The following CLHC1 variants were observed in gnomAD, a reference collection of about 807,000 sequenced individuals.
CLHC1 encodes clathrin heavy chain linker domain-containing protein 1.
A neutral mutation model predicts 69.5 loss-of-function variants in CLHC1; 72 were observed. That is an observed-to-expected ratio of 1.04 (90% confidence interval 0.86 to 1.26). The LOEUF (loss-of-function observed/expected upper bound fraction) is 1.26. Ranked by LOEUF, CLHC1 falls within the 50% of genes most tolerant of loss-of-function variation. CLHC1 has a pLI of 0.00. For synonymous variants in CLHC1, 223 were observed against 224.3 expected (o/e 0.99, Z 0.05); for missense variants, 790 against 679.3 (o/e 1.16, Z -1.81).
At position 55,206,348 on chromosome 2, in the gene CLHC1, A is replaced by G. The variant is rs2103912170; in HGVS notation, c.928T>C (p.Tyr310His). The change falls in exon 9 of 13, where the codon TAT becomes CAT. Residue 310 changes from tyrosine (Y) to histidine (H), a missense_variant. Tyr to His is a moderately conservative substitution (Grantham distance 83, BLOSUM62 2). Coordinates refer to ENST00000401408, the MANE Select transcript of CLHC1 (RefSeq NM_152385.4). ...RFNELISLGE[Y>H]EKAACYAANS... ...GCTGCATAACAAGCTGCCTTTTCAT[A>G]TTCACCAAGTGAGATTAACTCATTA... 6.2e-7 allele frequency: 1 copy of G among 1,608,114 alleles called. No homozygotes were observed. The highest frequency in any genetic ancestry group is 8.5e-7 in the Non-Finnish European group (1 of 1,175,162).
At position 55,172,739 on chromosome 2, in the gene CLHC1, T is replaced by G. The variant is rs1669063333; in HGVS notation, c.*3051A>C. 6.6e-6 allele frequency among the ~76,000 whole-genome samples: 1 copy of G among 150,906 alleles called. No individual in the cohort carries two copies. Among genetic ancestry groups the G allele is most frequent in the Non-Finnish European group, 1.5e-5 (1 of 67,802 alleles). On this transcript the variant is annotated 3_prime_UTR_variant, in exon 13 of 13. Transcript: ENST00000401408. ...AAAGGCCTCTGCTATGATTTTTGAC[T>G]TAACATATGCTTTAGCAATCCAACA...
chr2:55,177,512 G>T, intron 12 of CLHC1, 90 bp downstream of exon 12: 2 of 836,496 alleles, frequency 2.4e-6, no homozygotes, highest in Non-Finnish European at 1.8e-6. Context: ...GAACTCTTAG[G>T]GAAATTTGAG....
chr2:55,215,192 C>A (rs1673379693), intron 4 of CLHC1: 1 of 152,146 alleles, frequency 6.6e-6, no homozygotes, highest in African/African-American at 2.4e-5. Flanking sequence ...TTGAGATGGA[C>A]CTTCCTACTG....
chr2:55,209,669 C>G lies in CLHC1; in HGVS notation c.662G>C (p.Arg221Pro). 6.2e-7 allele frequency: 1 copy of G among 1,614,070 alleles called. No homozygotes were observed. Among genetic ancestry groups the G allele is most frequent in the Non-Finnish European group, 8.5e-7 (1 of 1,180,000 alleles). Reference protein sequence around the residue: ...DEEMIVLLKRRDVAENLNKKL... With the variant: ...DEEMIVLLKRPDVAENLNKKL... ...TTTGTTCAGATTTTCAGCTACATCT[C>G]GCCGTTTTAATAACACAATCATTTC... The change falls in exon 6 of 13, where the codon CGA becomes CCA. Residue 221 changes from arginine (R) to proline (P), a missense_variant. Arg to Pro is a moderately radical substitution (Grantham distance 103). Coordinates refer to ENST00000401408, the MANE Select transcript of CLHC1 (RefSeq NM_152385.4).
chr2:55,229,097 G>A (rs1455394832), intron 1 of CLHC1, among the ~76,000 whole-genome samples: 1 of 137,562 alleles, frequency 7.3e-6, no homozygotes, highest in Admixed American at 8.2e-5. Context: ...GTTGCAGTGG[G>A]CTAAGATCAT....
intron 9 of CLHC1, 40 bp from the exon 10 acceptor site, chr2:55,181,784 GAAAT>G: frequency 6.5e-7 from 1 of 1,528,044 alleles, no homozygotes; most frequent in East Asian, 2.3e-5. Context: ...AATACTTTAA[GAAAT>G]AGTTTGCTTT....
At chr2:55,185,890 C>A (rs1670370629) in intron 9 of CLHC1, among the ~76,000 whole-genome samples, 1 of 152,138 alleles carries the variant, frequency 6.6e-6, no homozygotes, top group Admixed American at 6.5e-5. Flanking sequence ...CCAATGATAT[C>A]TTTGAGCTTT....
intron 11 of CLHC1, among the ~76,000 whole-genome samples, chr2:55,180,165 A>AT (rs1300524123): frequency 5.3e-5 from 8 of 151,794 alleles, no homozygotes; most frequent in African/African-American, 1.7e-4. Context: ...AAAAAAATAT[A>AT]TATATATATA....
Position 55,208,619 on chromosome 2 carries a change from T to G in CLHC1, c.899+7A>C. On this transcript the variant is annotated splice_region_variant and intron_variant, in intron 8 of 12. Coordinates refer to ENST00000401408, the MANE Select transcript of CLHC1 (RefSeq NM_152385.4). The stretch of plus-strand genomic sequence containing the variant: ...TTCTGAAAAATTAAAGCTTTTAAAA[T>G]ATTTGCCTTTCAATGTAGTGAAGCA... The G allele has an allele frequency of 6.4e-7, 1 of 1,560,422 alleles. No individual in the cohort carries two copies. The highest frequency in any genetic ancestry group is 8.8e-7 in the Non-Finnish European group (1 of 1,133,428).
intron 5 of CLHC1, among the ~76,000 whole-genome samples, chr2:55,211,969 T>A (rs1388126437): frequency 6.6e-6 from 1 of 152,202 alleles, no homozygotes; most frequent in Non-Finnish European, 1.5e-5. Context: ...TCTCAAACTT[T>A]AGAGTGCATC....
At chr2:55,224,764 CT>C in intron 2 of CLHC1, 2 of 328,960 alleles carry the variant, frequency 6.1e-6, no homozygotes, top group African/African-American at 2.2e-5. Context: ...AACATCAGTG[CT>C]TTTCCTCAGG....
intron 9 of CLHC1, among the ~76,000 whole-genome samples, chr2:55,190,389 C>G (rs760516239): frequency 5.3e-5 from 8 of 151,420 alleles, no homozygotes. Context: ...ATTTAACTTG[C>G]AAAAAAGCAA....
intron 2 of CLHC1, chr2:55,224,719 A>G (rs573627671): frequency 1.4e-5 from 4 of 286,272 alleles, no homozygotes; most frequent in Admixed American, 4.3e-5. Flanking sequence ...AGTTTATTCT[A>G]CTTCAAGAGA....
In CLHC1 at chr2:55,180,570, T is replaced by C. The variant is rs1669834829; in HGVS notation, c.1324A>G (p.Lys442Glu). The C allele has an allele frequency of 6.2e-7, 1 of 1,614,042 alleles. No individual in the cohort carries two copies. Among genetic ancestry groups the C allele is most frequent in the East Asian group, 2.2e-5 (1 of 44,888 alleles). The change falls in exon 11 of 13, where the codon AAA becomes GAA. Residue 442 changes from lysine (K) to glutamate (E), a missense_variant. Transcript: ENST00000401408. Reference protein sequence around the residue: ...LHKKAILCLCKQGQTHRVMEY... With the variant: ...LHKKAILCLCEQGQTHRVMEY... ...ATGACCCTATGAGTCTGACCCTGTT[T>C]ACACAAGCAAAGAATAGCTTTCTTG... is the stretch of plus-strand genomic sequence containing the variant.
chr2:55,183,924 G>A (rs1427241008), intron 9 of CLHC1, among the ~76,000 whole-genome samples: 1 of 151,904 alleles, frequency 6.6e-6, no homozygotes, highest in Admixed American at 6.6e-5. Context: ...GGGACTACAG[G>A]TGCGTGCTAC....
At chr2:55,223,580 C>G (rs1674381847) in intron 2 of CLHC1, among the ~76,000 whole-genome samples, 1 of 151,472 alleles carries the variant, frequency 6.6e-6, no homozygotes. Flanking sequence ...GATGGAGGAG[C>G]GGCGTGTCGG....
At chr2:55,194,402 C>G (rs999434008) in intron 9 of CLHC1, among the ~76,000 whole-genome samples, 1 of 152,046 alleles carries the variant, frequency 6.6e-6, no homozygotes, top group Non-Finnish European at 1.5e-5. Context: ...AGAATTTCTT[C>G]AACCTCATAA....
intron 1 of CLHC1, among the ~76,000 whole-genome samples, chr2:55,230,638 C>A (rs1402948016): frequency 1.3e-5 from 2 of 152,160 alleles, no homozygotes; most frequent in Non-Finnish European, 1.5e-5. Context: ...CAAGAGGAAG[C>A]AGCAAATGAG....
In CLHC1 at chr2:55,209,297, A is replaced by AT. The variant is rs1445535022; in HGVS notation, c.814+106dup. On this transcript the variant is annotated intron_variant, in intron 7 of 12. Transcript: ENST00000401408. ...AGCGTAACAGACAACCAGCTGAAGT[A>AT]TGATCTTGCTTTATTTAAACTCAGC... The AT allele has an allele frequency of 2.5e-5, 17 of 666,714 alleles. No homozygotes were observed. In the East Asian group the frequency reaches 4.4e-4, roughly 17 times the overall value. 41.3% of individuals were successfully genotyped at this position (666,714 alleles called of 1,614,324 possible).
Sources: gnomAD v4.1 joint callset for allele counts (sites outside exome capture counted in the v4.1 genomes callset) on GRCh38, gnomAD v4.1.1 for gene constraint, MANE v1.5 for transcripts, NCBI Gene and HGNC (gene_info 2026-07-23, HGNC 2026-07-21) for gene names.